The following EYS variants were observed in gnomAD, a reference collection of about 807,000 sequenced individuals.
EYS encodes protein eyes shut homolog.
A neutral mutation model predicts 282.1 loss-of-function variants in EYS; 250 were observed. The observed-to-expected ratio is 0.89, with a 90% CI of 0.80 to 0.98. The LOEUF is 0.98. EYS is among the 50% of genes least tolerant of loss of function. EYS has a pLI of 0.00. For missense variants in EYS, 4,016 were observed against 3,709.0 expected (o/e 1.08, Z -2.15); for synonymous variants, 1,355 against 1,282.9 (o/e 1.06, Z -1.20).
chr6:64,053,396 C>A (rs1375186669), intron 33 of EYS, among the ~76,000 whole-genome samples: 1 of 151,988 alleles, frequency 6.6e-6, no homozygotes, highest in Non-Finnish European at 1.5e-5. Context: ...TTGAATATTT[C>A]TTAAGGTTTT....
chr6:64,145,099 C>T (rs1373724005), intron 31 of EYS, among the ~76,000 whole-genome samples: 1 of 152,106 alleles, frequency 6.6e-6, no homozygotes, highest in African/African-American at 2.4e-5. Context: ...AATTTGACAG[C>T]TTCTATTGAA....
chr6:64,139,111 A>C (rs1774256261), intron 31 of EYS, among the ~76,000 whole-genome samples: 1 of 152,162 alleles, frequency 6.6e-6, no homozygotes, highest in Admixed American at 6.5e-5. Flanking sequence ...CAACTCTGAA[A>C]AGAAAAGAAT....
At chr6:65,024,631 T>C (rs1486697644) in intron 13 of EYS, among the ~76,000 whole-genome samples, 1 of 152,214 alleles carries the variant, frequency 6.6e-6, no homozygotes, top group Non-Finnish European at 1.5e-5. Context: ...AATTCCATTT[T>C]TGCTTTTTAT....
chr6:64,059,690 T>G (rs1002904348), intron 33 of EYS, among the ~76,000 whole-genome samples: 10 of 152,226 alleles, frequency 6.6e-5, no homozygotes, highest in African/African-American at 2.4e-4. Flanking sequence ...TTTAAAGATT[T>G]TCTTAAGCTT....
At chr6:65,647,873 C>T (rs1408297300) in intron 1 of EYS, among the ~76,000 whole-genome samples, 1 of 152,010 alleles carries the variant, frequency 6.6e-6, no homozygotes, top group Non-Finnish European at 1.5e-5. Flanking sequence ...GGGCTAAGGA[C>T]ATGAAAAGAC....
At chr6:63,949,444 T>C (rs1458360388) in intron 35 of EYS, among the ~76,000 whole-genome samples, 1 of 152,198 alleles carries the variant, frequency 6.6e-6, no homozygotes, top group East Asian at 1.9e-4. Context: ...TTCAATTCAG[T>C]GGTCCCTTTC....
At chr6:65,512,789 A>G (rs971452031) in intron 2 of EYS, among the ~76,000 whole-genome samples, 2 of 152,166 alleles carry the variant, frequency 1.3e-5, no homozygotes, top group African/African-American at 2.4e-5. Context: ...CATTCAAAGC[A>G]GTGTGTAGAG....
At chr6:65,096,907 T>C (rs1001075872) in intron 12 of EYS, among the ~76,000 whole-genome samples, 4 of 150,744 alleles carry the variant, frequency 2.7e-5, no homozygotes, top group Non-Finnish European at 4.5e-5. Context: ...TAGAAAAAAA[T>C]TATGAGGAAA....
chr6:63,736,995 A>G (rs1335742231), intron 41 of EYS, among the ~76,000 whole-genome samples: 1 of 151,904 alleles, frequency 6.6e-6, no homozygotes, highest in Admixed American at 6.6e-5. Context: ...GGGCTGAGAC[A>G]ATGGGGTTTT....
chr6:65,187,726 G>A (rs1231243821), intron 12 of EYS, among the ~76,000 whole-genome samples: 1 of 151,702 alleles, frequency 6.6e-6, no homozygotes. Flanking sequence ...TTTGTCAACT[G>A]AGAGACATGT....
chr6:64,773,228 T>G (rs1411767405), intron 22 of EYS, among the ~76,000 whole-genome samples: 1 of 151,898 alleles, frequency 6.6e-6, no homozygotes, highest in Non-Finnish European at 1.5e-5. Context: ...TGAGAACATG[T>G]GGTATTTGGT....
intron 2 of EYS, among the ~76,000 whole-genome samples, chr6:65,553,654 T>C (rs912961417): frequency 1.3e-5 from 2 of 152,032 alleles, no homozygotes; most frequent in Admixed American, 6.6e-5. Context: ...AAAAACAAAT[T>C]AAAACAAAAC....
intron 12 of EYS, among the ~76,000 whole-genome samples, chr6:65,098,778 T>A (rs1008008426): frequency 3.3e-5 from 5 of 150,824 alleles, no homozygotes; most frequent in African/African-American, 1.2e-4. Flanking sequence ...TGAAGAGTGA[T>A]GAAACATTAT....
Position 64,822,674 on chromosome 6 carries a change from A to C in EYS, c.3141T>G (p.Leu1047=), listed in dbSNP as rs955368246. The change falls in exon 20 of 43, where the codon CTT becomes CTG. Residue 1047 remains leucine (L), a synonymous_variant. Transcript: ENST00000503581. The stretch of plus-strand genomic sequence containing the variant: ...ACCTTCCATGTAGACAAGGATTTGA[A>C]AGGCAATCATTGGCGTTTGTTTCAC... ...THCETNANDC[L]SNPCLHGRCT... 1.9e-6 allele frequency: 3 copies of C among 1,543,716 alleles called. No individual in the cohort carries two copies. Among genetic ancestry groups the C allele is most frequent in the African/African-American group, 2.8e-5 (2 of 72,584 alleles).
chr6:65,553,491 T>A (rs1193208259), intron 2 of EYS, among the ~76,000 whole-genome samples: 4 of 152,170 alleles, frequency 2.6e-5, no homozygotes, highest in African/African-American at 9.6e-5. Flanking sequence ...GCACAGAGAA[T>A]TCAATGATTT....
In EYS at chr6:63,761,352, T is replaced by G. The variant is rs573150856; in HGVS notation, c.8071+1109A>C. ...ATTTATGTAAGCCAGATACAAAACT[T>G]CATCTCATTATTTCATAATCACACT... On this transcript the variant is annotated intron_variant, in intron 41 of 42. Transcript: ENST00000503581. 1.4e-4 allele frequency among the ~76,000 whole-genome samples: 22 copies of G among 152,104 alleles called. No individual in the cohort carries two copies. In the South Asian group the frequency reaches 3.9e-3, roughly 27 times the overall value.
intron 27 of EYS, among the ~76,000 whole-genome samples, chr6:64,438,368 C>T (rs758029754): frequency 7.9e-5 from 12 of 151,622 alleles, no homozygotes; most frequent in Admixed American, 2.0e-4. Flanking sequence ...GATACATTAG[C>T]GATTAGAGCA....
chr6:64,531,904 G>A (rs988697443), intron 26 of EYS, among the ~76,000 whole-genome samples: 4 of 152,228 alleles, frequency 2.6e-5, no homozygotes, highest in East Asian at 3.9e-4. Flanking sequence ...GAGTCTGGGA[G>A]TCACACCAGT....
chr6:64,609,437 T>C (rs1281492672), intron 24 of EYS, among the ~76,000 whole-genome samples: 5 of 152,078 alleles, frequency 3.3e-5, no homozygotes, highest in Admixed American at 3.3e-4. Flanking sequence ...AATAGGGGGC[T>C]ACAGTACAGG....
Sources: allele counts gnomAD v4.1 joint callset (sites outside exome capture counted in the v4.1 genomes callset), GRCh38; gene constraint gnomAD v4.1.1; transcripts MANE v1.5; gene names NCBI Gene and HGNC (gene_info 2026-07-23, HGNC 2026-07-21).